The following PTPRD variants were observed in gnomAD, a reference collection of about 807,000 sequenced individuals.
PTPRD encodes protein tyrosine phosphatase receptor type D.
PTPRD carries 34 observed loss-of-function variants against 214.5 expected under a neutral mutation model. That is an observed-to-expected ratio of 0.16 (90% confidence interval 0.12 to 0.21). The LOEUF (loss-of-function observed/expected upper bound fraction) is 0.21. Among genes scored for constraint, PTPRD ranks in the 10% least tolerant of loss-of-function variants. The probability of loss-of-function intolerance (pLI) is 1.00; values close to 1 mark genes in which losing one functional copy is unlikely to be tolerated. For synonymous variants in PTPRD, 1,128 were observed against 845.7 expected, an observed-to-expected ratio of 1.33 and a Z score of -5.79; for missense variants, 2,545 against 2,398.7, an observed-to-expected ratio of 1.06 and a Z score of -1.27.
intron 3 of PTPRD, among the ~76,000 whole-genome samples, chr9:10,065,840 T>TG (rs1486761803): frequency 6.6e-6 from 1 of 151,874 alleles, no homozygotes; most frequent in Admixed American, 6.6e-5. Flanking sequence ...CCAGTTATAC[T>TG]GGGGGGAGTG....
chr9:9,590,874 T>C (rs1433054175), intron 7 of PTPRD, among the ~76,000 whole-genome samples: 2 of 152,088 alleles, frequency 1.3e-5, no homozygotes, highest in Non-Finnish European at 2.9e-5. Context: ...ACATGGATTT[T>C]CACAGAAAGT....
rs1198454790 is a variant in PTPRD, at chr9:10,248,501, G to A, written c.-545+92462C>T. The stretch of plus-strand genomic sequence containing the variant: ...CATTAGTTCTACAGAATGTCAAAGG[G>A]TACATATAGCAAAAAAAAAAAAAAA... On this transcript the variant is annotated intron_variant, in intron 3 of 45. Coordinates refer to ENST00000381196, the MANE Select transcript of PTPRD (RefSeq NM_002839.4). Among the ~76,000 whole-genome samples the A allele has an allele frequency of 4.0e-5, 3 of 75,098 alleles. No homozygotes were observed. The South Asian group carries it at 1.7e-3, about 41-fold the overall frequency. 49.3% of individuals were successfully genotyped at this position (75,098 alleles called of 152,430 possible).
chr9:8,427,463 T>C (rs561584661), intron 35 of PTPRD, among the ~76,000 whole-genome samples: 6 of 152,128 alleles, frequency 3.9e-5, no homozygotes, highest in Non-Finnish European at 7.4e-5. Context: ...CTTTGGTTAA[T>C]CACCTGCTGT....
intron 11 of PTPRD, among the ~76,000 whole-genome samples, chr9:8,877,829 G>C (rs1336639051): frequency 2.0e-5 from 3 of 152,080 alleles, no homozygotes; most frequent in Admixed American, 6.6e-5. Flanking sequence ...AAGTGTCTGA[G>C]GCTCTTCTCA....
At chr9:10,142,718 G>A (rs1054771318) in intron 3 of PTPRD, among the ~76,000 whole-genome samples, 4 of 148,474 alleles carry the variant, frequency 2.7e-5, no homozygotes, top group South Asian at 2.2e-4. Flanking sequence ...TCAGTGTGGC[G>A]ATTCCTCAGG....
intron 9 of PTPRD, among the ~76,000 whole-genome samples, chr9:9,322,688 C>A (rs747233284): frequency 7.2e-5 from 11 of 152,148 alleles, no homozygotes; most frequent in Non-Finnish European, 1.5e-4. Flanking sequence ...CAGGAACACT[C>A]TAGATCCTTG....
chr9:8,930,812 G>GTTTTT (rs1189342114), intron 11 of PTPRD, among the ~76,000 whole-genome samples: 1 of 151,972 alleles, frequency 6.6e-6, no homozygotes, highest in Non-Finnish European at 1.5e-5. Context: ...GGGGTTGTTT[G>GTTTTT]TTTTTTTCTT....
At chr9:10,294,358 T>G (rs575457294) in intron 3 of PTPRD, among the ~76,000 whole-genome samples, 4 of 151,996 alleles carry the variant, frequency 2.6e-5, no homozygotes, top group African/African-American at 9.6e-5. Context: ...GGCAAAAAGA[T>G]GGGGAAAAGA....
chr9:10,139,887 C>G (rs997445469), intron 3 of PTPRD, among the ~76,000 whole-genome samples: 1 of 152,016 alleles, frequency 6.6e-6, no homozygotes, highest in Admixed American at 6.6e-5. Context: ...ATAAAATTAA[C>G]TTATGACAGA....
At chr9:10,306,661 A>T (rs539370078) in intron 3 of PTPRD, among the ~76,000 whole-genome samples, 2 of 152,120 alleles carry the variant, frequency 1.3e-5, no homozygotes, top group Non-Finnish European at 2.9e-5. Flanking sequence ...CCAGTTTTCC[A>T]TAAGTATATG....
intron 9 of PTPRD, among the ~76,000 whole-genome samples, chr9:9,350,363 A>G (rs189138134): frequency 6.6e-6 from 1 of 152,122 alleles, no homozygotes; most frequent in Admixed American, 6.6e-5. Context: ...TCCTGGCTTT[A>G]TTTTTGGACA....
chr9:8,907,533 A>ATATATATAT (rs1555505760), intron 11 of PTPRD, among the ~76,000 whole-genome samples: 6 of 118,246 alleles, frequency 5.1e-5, no homozygotes, highest in Non-Finnish European at 6.6e-5. Flanking sequence ...AAAAAAAAAA[A>ATATATATAT]ATATATATAT....
At chr9:9,493,574 G>A (rs1376640180) in intron 8 of PTPRD, among the ~76,000 whole-genome samples, 1 of 151,938 alleles carries the variant, frequency 6.6e-6, no homozygotes, top group Non-Finnish European at 1.5e-5. Context: ...AGATCACAAG[G>A]TCAGGAGATC....
chr9:9,761,726 C>T (rs912337708), intron 6 of PTPRD, among the ~76,000 whole-genome samples: 11 of 151,934 alleles, frequency 7.2e-5, no homozygotes, highest in African/African-American at 2.7e-4. Context: ...ATAAAAATTT[C>T]GATGAAATTA....
chr9:10,274,252 T>C (rs2094562467), intron 3 of PTPRD, among the ~76,000 whole-genome samples: 1 of 152,156 alleles, frequency 6.6e-6, no homozygotes, highest in South Asian at 2.1e-4. Flanking sequence ...TAATAACTTT[T>C]GTATGTGACA....
chr9:10,464,957 C>T (rs898801881), intron 2 of PTPRD, among the ~76,000 whole-genome samples: 28 of 151,940 alleles, frequency 1.8e-4, no homozygotes, highest in Non-Finnish European at 1.5e-5. Context: ...GTCAAAGACC[C>T]CTTCAAATTC....
At chr9:10,534,912 T>C (rs577854462) in intron 2 of PTPRD, among the ~76,000 whole-genome samples, 2 of 152,292 alleles carry the variant, frequency 1.3e-5, no homozygotes, top group East Asian at 1.9e-4. Context: ...TATTTGACCA[T>C]TGCAATAAAA....
chr9:9,906,906 C>G (rs10491913), intron 5 of PTPRD, among the ~76,000 whole-genome samples: 26,763 of 151,832 alleles, frequency 0.18, 2,644 homozygotes, highest in East Asian at 0.31. Flanking sequence ...AGAACTTATT[C>G]TTAATTCACT....
At chr9:10,059,671 A>T (rs1210302610) in intron 3 of PTPRD, among the ~76,000 whole-genome samples, 1 of 152,068 alleles carries the variant, frequency 6.6e-6, no homozygotes, top group Non-Finnish European at 1.5e-5. Flanking sequence ...TAGATACAAA[A>T]TTAGATATGA....
Sources: allele counts gnomAD v4.1 joint callset (sites outside exome capture counted in the v4.1 genomes callset), GRCh38; gene constraint gnomAD v4.1.1; transcripts MANE v1.5; gene names NCBI Gene and HGNC (gene_info 2026-07-23, HGNC 2026-07-21).